The following NTN1 variants were observed in gnomAD, a reference collection of about 807,000 sequenced individuals.
NTN1 encodes the protein netrin 1.
Under a neutral mutation model 54.2 loss-of-function variants are expected in NTN1, and 11 were observed. That is an observed-to-expected ratio of 0.20 (90% CI 0.13 to 0.34). NTN1 has a LOEUF of 0.34. NTN1 is among the 10% of genes least tolerant of loss of function. The pLI is 1.00. For missense variants in NTN1, 740 were observed against 893.1 expected (o/e 0.83, Z 2.18); for synonymous variants, 371 against 382.0 (o/e 0.97, Z 0.33).
intron 2 of NTN1, among the ~76,000 whole-genome samples, chr17:9,117,990 G>T (rs1184839064): frequency 6.6e-6 from 1 of 152,130 alleles, no homozygotes; most frequent in Non-Finnish European, 1.5e-5. Flanking sequence ...TTCTAGAAAC[G>T]CTCAAGAGCG....
Position 9,221,124 on chromosome 17 carries a change from G to C in NTN1, c.1412-44G>C. Reference sequence around the variant, plus strand: ...CTGCCCGCCAGCCTATTCATCGCCAGCCTAATTAGTTTTTGTCTGTGCTCC... The same window carrying C: ...CTGCCCGCCAGCCTATTCATCGCCACCCTAATTAGTTTTTGTCTGTGCTCC... On this transcript the variant is annotated intron_variant, in intron 5 of 6. Transcript: ENST00000173229. This position sits in a 1 kb window ranked among gnomAD's most constrained non-coding sequence, Gnocchi z 4.5. 7.3e-7 allele frequency: 1 copy of C among 1,362,182 alleles called. No individual in the cohort carries two copies. The highest frequency in any genetic ancestry group is 1.7e-5 in the Admixed American group (1 of 59,616). The allele number at this position is 1,362,182 out of a possible 1,614,324, so 84.4% of individuals were successfully genotyped here. A position where few individuals can be genotyped will look rare whatever the true frequency, so the allele number is the denominator to read the frequency against.
Position 9,023,348 on chromosome 17 carries a change from G to A in NTN1, c.975G>A (p.Arg325=). Residue 325 remains arginine, a synonymous_variant, in exon 2 of 7, where the codon CGG becomes CGA. Transcript: ENST00000173229. ...GCTGCAAGCCCTTCCACTACGACCG[G>A]CCCTGGCAGCGCGCCACAGCCCGCG... is the stretch of plus-strand genomic sequence containing the variant. The part of the protein sequence containing the change: ...CDRCKPFHYD[R]PWQRATAREA... 6.7e-7 allele frequency: 1 copy of A among 1,497,262 alleles called. No homozygotes were observed. Among genetic ancestry groups the A allele is most frequent in the South Asian group, 1.2e-5 (1 of 80,596 alleles). 92.7% of individuals were successfully genotyped at this position (1,497,262 alleles called of 1,614,324 possible).
At chr17:9,213,615 G>C (rs1020080855) in intron 5 of NTN1, among the ~76,000 whole-genome samples, 2 of 152,178 alleles carry the variant, frequency 1.3e-5, no homozygotes, top group African/African-American at 2.4e-5. Flanking sequence ...TTATATTAAG[G>C]CTGAATCATA....
the NTN1 span, among the ~76,000 whole-genome samples, chr17:9,005,646 G>T: frequency 1.3e-5 from 2 of 152,308 alleles, no homozygotes; most frequent in African/African-American, 4.8e-5. Flanking sequence ...GGCTTTGCTT[G>T]TTCTATGTGC....
At chr17:9,146,847 G>A (rs1161267645) in intron 2 of NTN1, among the ~76,000 whole-genome samples, 1 of 152,178 alleles carries the variant, frequency 6.6e-6, no homozygotes, top group Non-Finnish European at 1.5e-5. Context: ...AGGCACTGGG[G>A]TTGCTTACTG....
Position 9,242,366 on chromosome 17 carries a change from C to T in NTN1, c.*2398C>T, listed in dbSNP as rs920169917. 1 of 152,266 alleles carries T rather than the reference C, an allele frequency of 6.6e-6. No individual in the cohort carries two copies. Among genetic ancestry groups the T allele is most frequent in the Non-Finnish European group, 1.5e-5 (1 of 68,060 alleles). The allele number at this position is 152,266 out of a possible 1,614,324, so 9.4% of individuals were successfully genotyped here. ...ATGCCCAGTGTGGTGTGCTGGGCGC[C>T]ATCAGCATCACAAGGCACTACGCTG... On this transcript the variant is annotated 3_prime_UTR_variant, in exon 7 of 7. Transcript: ENST00000173229.
intron 2 of NTN1, among the ~76,000 whole-genome samples, chr17:9,145,447 G>A (rs1219242882): frequency 6.6e-6 from 1 of 152,210 alleles, no homozygotes; most frequent in Non-Finnish European, 1.5e-5. Context: ...TGGAGGTCTG[G>A]GGAGGACTAA....
intron 2 of NTN1, among the ~76,000 whole-genome samples, chr17:9,061,777 C>T (rs974163519): frequency 7.2e-5 from 11 of 152,110 alleles, no homozygotes; most frequent in Non-Finnish European, 1.6e-4. Context: ...GGTCTTGGCT[C>T]ACTGAAACCT....
intron 2 of NTN1, among the ~76,000 whole-genome samples, chr17:9,057,879 C>T (rs1223159775): frequency 1.3e-5 from 2 of 152,118 alleles, no homozygotes; most frequent in Non-Finnish European, 2.9e-5. Flanking sequence ...ATGTTTCTCC[C>T]ATCATCTATT....
At chr17:9,140,521 G>A (rs1472384249) in intron 2 of NTN1, among the ~76,000 whole-genome samples, 1 of 152,252 alleles carries the variant, frequency 6.6e-6, no homozygotes, top group East Asian at 1.9e-4. Flanking sequence ...ATGTGTGTGT[G>A]CAGGTGTGGG....
intron 2 of NTN1, among the ~76,000 whole-genome samples, chr17:9,023,968 T>C (rs2091862187): frequency 6.6e-6 from 1 of 152,266 alleles, no homozygotes; most frequent in African/African-American, 2.4e-5. Context: ...GTGTTTGTGT[T>C]AGCAAAAGAA....
rs1004401648 is a variant in NTN1 at position 9,243,177 on chromosome 17, C to A, written c.*3209C>A. ...CCGGGATTCACCTGCTGGCTGTGGT[C>A]TCTGCCCACTGCTTCTGTCCTTGGA... On this transcript the variant is annotated 3_prime_UTR_variant, in exon 7 of 7. Coordinates refer to ENST00000173229, the MANE Select transcript of NTN1 (RefSeq NM_004822.3). 6.6e-6 allele frequency: 1 copy of A among 152,186 alleles called. No homozygotes were observed. Among genetic ancestry groups the A allele is most frequent in the Admixed American group, 6.5e-5 (1 of 15,282 alleles). The allele number at this position is 152,186 out of a possible 1,614,324, so 9.4% of individuals were successfully genotyped here.
At chr17:9,177,116 A>T (rs1309315106) in intron 3 of NTN1, 1 of 152,420 alleles carries the variant, frequency 6.6e-6, no homozygotes, top group Non-Finnish European at 1.5e-5. Flanking sequence ...CATAAACCAG[A>T]GGAATAGGTC....
At chr17:9,078,582 C>T (rs1176266454) in intron 2 of NTN1, among the ~76,000 whole-genome samples, 1 of 152,232 alleles carries the variant, frequency 6.6e-6, no homozygotes, top group East Asian at 1.9e-4. Context: ...TTCTTTATGG[C>T]TGAGGTTTTA....
chr17:9,035,519 G>A, intron 2 of NTN1, among the ~76,000 whole-genome samples: 1 of 152,128 alleles, frequency 6.6e-6, no homozygotes, highest in East Asian at 1.9e-4. Context: ...CACTTCTGCT[G>A]GGTGTGTATC....
At position 9,022,628 on chromosome 17, in the gene NTN1, G is replaced by A. The variant is rs775149906; in HGVS notation, c.255G>A (p.Glu85=). 6.4e-7 allele frequency: 1 copy of A among 1,554,556 alleles called. No homozygotes were observed. The highest frequency in any genetic ancestry group is 1.2e-5 in the South Asian group (1 of 84,850). Residue 85 remains glutamate, a synonymous_variant, in exon 2 of 7, where the codon GAG becomes GAA. Transcript: ENST00000173229. ...ACTGCGTGGTGAGCGAGCGCGGCGA[G>A]GAGCGGCTGCGCTCGTGCCACCTCT... The part of the protein sequence containing the change: ...ARYCVVSERG[E]ERLRSCHLCN...
intron 2 of NTN1, among the ~76,000 whole-genome samples, chr17:9,024,098 G>A (rs2091862533): frequency 6.6e-6 from 1 of 152,140 alleles, no homozygotes; most frequent in Non-Finnish European, 1.5e-5. Flanking sequence ...TTAGCTTCAG[G>A]CTTTGGTGAA....
chr17:9,056,064 AT>A (rs35808249), intron 2 of NTN1, among the ~76,000 whole-genome samples: 22 of 146,850 alleles, frequency 1.5e-4, no homozygotes, highest in African/African-American at 2.5e-4. Flanking sequence ...TGCCTGGCTA[AT>A]TTTTTTTTTT....
At chr17:9,158,851 C>G (rs1299233664) in intron 2 of NTN1, among the ~76,000 whole-genome samples, 1 of 152,200 alleles carries the variant, frequency 6.6e-6, no homozygotes, top group East Asian at 1.9e-4. Context: ...TAGCAAGGTT[C>G]TGGGACTCAT....
Sources: gnomAD v4.1 joint callset for allele counts (sites outside exome capture counted in the v4.1 genomes callset) on GRCh38, gnomAD v4.1.1 for gene constraint, Gnocchi (gnomAD v3.1) non-coding constraint, MANE v1.5 for transcripts, NCBI Gene and HGNC (gene_info 2026-07-23, HGNC 2026-07-21) for gene names.